PPP2CA: variants seen among roughly 807,000 people sequenced by gnomAD.
PPP2CA encodes the protein serine/threonine-protein phosphatase 2A catalytic subunit alpha isoform.
A neutral mutation model predicts 38.8 loss-of-function variants in PPP2CA; 5 were observed. That is an observed-to-expected ratio of 0.13 (90% confidence interval 0.07 to 0.27). The LOEUF (loss-of-function observed/expected upper bound fraction) is 0.27. Among genes scored for constraint, PPP2CA ranks in the 10% least tolerant of loss-of-function variants. The pLI is 1.00. For synonymous variants in PPP2CA, 152 were observed against 134.0 expected, an observed-to-expected ratio of 1.13 and a Z score of -0.93; for missense variants, 88 against 389.7, an observed-to-expected ratio of 0.23 and a Z score of 6.52.
chr5:134,222,899 G>C (rs1054644350), intron 1 of PPP2CA, among the ~76,000 whole-genome samples: 1 of 152,122 alleles, frequency 6.6e-6, no homozygotes, highest in Non-Finnish European at 1.5e-5. Context: ...TAGCTAGTCA[G>C]TAACATAAAA....
Position 134,225,757 on chromosome 5 carries a change from C to T in PPP2CA, c.102+3G>A. ...GGCTGTCCGCAGCCGTACTACAGCTCACCTTCTCGCAGAGGCTCTTGACCT... is the reference window on the plus strand; with the variant it reads ...GGCTGTCCGCAGCCGTACTACAGCTTACCTTCTCGCAGAGGCTCTTGACCT... On this transcript the variant is annotated splice_donor_region_variant and intron_variant, in intron 1 of 6. Coordinates refer to ENST00000481195, the MANE Select transcript of PPP2CA (RefSeq NM_002715.4). 4.4e-6 allele frequency: 7 copies of T among 1,605,604 alleles called. No individual in the cohort carries two copies. Among genetic ancestry groups the T allele is most frequent in the Non-Finnish European group, 5.9e-6 (7 of 1,178,098 alleles).
intron 1 of PPP2CA, among the ~76,000 whole-genome samples, chr5:134,213,701 T>C (rs1031443403): frequency 6.6e-6 from 1 of 151,706 alleles, no homozygotes; most frequent in Non-Finnish European, 1.5e-5. Flanking sequence ...AAGAATCACT[T>C]GAGCCCAGGA....
intron 2 of PPP2CA, among the ~76,000 whole-genome samples, chr5:134,203,930 G>A (rs1762021880): frequency 6.6e-6 from 1 of 152,120 alleles, no homozygotes; most frequent in South Asian, 2.1e-4. Flanking sequence ...CAGGCTGCTT[G>A]CATACTCTTA....
chr5:134,208,592 T>C (rs959933163), intron 1 of PPP2CA, among the ~76,000 whole-genome samples: 2 of 152,036 alleles, frequency 1.3e-5, no homozygotes, highest in African/African-American at 4.8e-5. Context: ...CTATCGTAAA[T>C]ATAATCGAGT....
Position 134,199,313 on chromosome 5 carries a change from G to A in PPP2CA, c.739-109C>T, listed in dbSNP as rs1761923005. The stretch of plus-strand genomic sequence containing the variant: ...TACTCATTCCCACCCCTGCCAAAGG[G>A]GCTTAAGAAATGTTAATGCTTTTTT... On this transcript the variant is annotated intron_variant, in intron 5 of 6. Transcript: ENST00000481195. 1.5e-5 allele frequency: 12 copies of A among 777,592 alleles called. No individual in the cohort carries two copies. In the Admixed American group the frequency reaches 2.8e-4, roughly 18 times the overall value. The allele number at this position is 777,592 out of a possible 1,614,324, so 48.2% of individuals were successfully genotyped here.
chr5:134,198,069 C>T (rs1761891415), intron 6 of PPP2CA, among the ~76,000 whole-genome samples: 1 of 151,994 alleles, frequency 6.6e-6, no homozygotes, highest in African/African-American at 2.4e-5. Context: ...TGGTTTTTAC[C>T]TTGACTGAAA....
chr5:134,225,717 G>GC, intron 1 of PPP2CA, 43 bp downstream of exon 1: 1 of 1,565,772 alleles, frequency 6.4e-7, no homozygotes, highest in Non-Finnish European at 8.7e-7. Flanking sequence ...TCCTCGGCGG[G>GC]CTCGGCCCCG....
chr5:134,198,218 A>T (rs754231103), intron 6 of PPP2CA, among the ~76,000 whole-genome samples: 4 of 151,746 alleles, frequency 2.6e-5, no homozygotes, highest in Admixed American at 2.0e-4. Context: ...GTGAAACCCC[A>T]TATCTACTAA....
intron 3 of PPP2CA, 42 bp downstream of exon 3, chr5:134,201,804 CAG>C: frequency 6.3e-7 from 1 of 1,585,220 alleles, no homozygotes; most frequent in Non-Finnish European, 8.6e-7. Flanking sequence ...CTAAAGAAAG[CAG>C]ATTCTCTGAA....
intron 1 of PPP2CA, among the ~76,000 whole-genome samples, chr5:134,222,171 T>C (rs1328883987): frequency 6.6e-6 from 1 of 152,076 alleles, no homozygotes; most frequent in African/African-American, 2.4e-5. Context: ...TCACTTTACC[T>C]TTCTGAGTCT....
chr5:134,211,769 C>T (rs545542485), intron 1 of PPP2CA, among the ~76,000 whole-genome samples: 1 of 151,910 alleles, frequency 6.6e-6, no homozygotes, highest in African/African-American at 2.4e-5. Context: ...AGCCACTGCG[C>T]CCAGTGGAAG....
chr5:134,204,868 A>G (rs1053936045), intron 2 of PPP2CA, among the ~76,000 whole-genome samples: 2 of 152,130 alleles, frequency 1.3e-5, no homozygotes, highest in Non-Finnish European at 2.9e-5. Context: ...TCTCTGTTAA[A>G]TATTTACAGC....
intron 1 of PPP2CA, among the ~76,000 whole-genome samples, chr5:134,213,101 T>C (rs1762240264): frequency 6.6e-6 from 1 of 152,242 alleles, no homozygotes; most frequent in Admixed American, 6.5e-5. Flanking sequence ...GTTTTCAATG[T>C]AGACGAAATA....
chr5:134,224,375 G>A lies in PPP2CA; in HGVS notation c.102+1385C>T, dbSNP rs1762515807. 4 of 430,588 alleles carry A rather than the reference G, an allele frequency of 9.3e-6. 1 individual carries two copies. Among genetic ancestry groups the A allele is most frequent in the South Asian group, 5.0e-5 (3 of 59,750 alleles). 26.7% of individuals were successfully genotyped at this position (430,588 alleles called of 1,614,324 possible). On this transcript the variant is annotated intron_variant, in intron 1 of 6. Coordinates refer to ENST00000481195, the MANE Select transcript of PPP2CA (RefSeq NM_002715.4). ...TAGTAGTAGTTTTGTTCAGGCTTGG[G>A]AGAAACAAATCTAAATCTGACTTAC...
chr5:134,200,588 C>A, intron 4 of PPP2CA, 92 bp from the exon 5 acceptor site: 1 of 1,357,382 alleles, frequency 7.4e-7, no homozygotes. Context: ...CCTAAGCCAC[C>A]CTTTTTGAGT....
rs553004954 is a variant in PPP2CA, at chr5:134,225,137, T to C, written c.102+623A>G. Among the ~76,000 whole-genome samples the C allele has an allele frequency of 7.2e-5, 11 of 152,320 alleles. No individual in the cohort carries two copies. The South Asian group carries it at 2.3e-3, about 32-fold the overall frequency. On this transcript the variant is annotated intron_variant, in intron 1 of 6. Coordinates refer to ENST00000481195, the MANE Select transcript of PPP2CA (RefSeq NM_002715.4). ...AAAAATAAGTTACACTCCTCCCTTATAGCTACCACCATGACCTTCGTAAAA... is the reference window on the plus strand; with the variant it reads ...AAAAATAAGTTACACTCCTCCCTTACAGCTACCACCATGACCTTCGTAAAA...
chr5:134,199,348 C>CT, intron 5 of PPP2CA, 144 bp from the exon 6 acceptor site: 1 of 607,178 alleles, frequency 1.6e-6, no homozygotes, highest in South Asian at 2.0e-5. Context: ...TTCTGGATGA[C>CT]TTAATAATCT....
At position 134,199,148 on chromosome 5, in the gene PPP2CA, A is replaced by G; in HGVS notation, c.795T>C (p.Tyr265=). 6.2e-7 allele frequency: 1 copy of G among 1,614,162 alleles called. No homozygotes were observed. Among genetic ancestry groups the G allele is most frequent in the Non-Finnish European group, 8.5e-7 (1 of 1,179,990 alleles). Residue 265 remains tyrosine (Y), a synonymous_variant, in exon 6 of 7, where the codon TAT becomes TAC. Transcript: ENST00000481195. The stretch of plus-strand genomic sequence containing the variant: ...CAGCTTGGTTACCACAACGATAACA[A>G]TAGTTTGGAGCACTGAAAATCGTTA... ...NVVTIFSAPN[Y]CYRCGNQAAI... is the part of the protein sequence containing the mutation.
At chr5:134,207,415 CAAA>C (rs1292364620) in intron 1 of PPP2CA, among the ~76,000 whole-genome samples, 1 of 151,876 alleles carries the variant, frequency 6.6e-6, no homozygotes, top group Admixed American at 6.6e-5. Flanking sequence ...AAAACAAAAA[CAAA>C]AACACCAATG....
Sources: allele counts gnomAD v4.1 joint callset (sites outside exome capture counted in the v4.1 genomes callset), GRCh38; gene constraint gnomAD v4.1.1; transcripts MANE v1.5; gene names NCBI Gene and HGNC (gene_info 2026-07-23, HGNC 2026-07-21).